Variants in SDK2 observed in about 807,000 individuals in gnomAD.
SDK2 encodes sidekick cell adhesion molecule 2, also known as protein sidekick-2.
SDK2 carries 105 observed loss-of-function variants against 253.9 expected under a neutral mutation model. The observed-to-expected ratio is 0.41, with a 90% CI of 0.35 to 0.49. SDK2 has a LOEUF of 0.49. Among genes scored for constraint, SDK2 ranks in the 20% least tolerant of loss-of-function variants. The pLI, the probability that SDK2 is intolerant of heterozygous loss-of-function variation, is 0.06. For synonymous variants in SDK2, 1,249 were observed against 1,234.9 expected, an observed-to-expected ratio of 1.01 and a Z score of -0.24; for missense variants, 2,608 against 3,003.0, an observed-to-expected ratio of 0.87 and a Z score of 3.07.
In SDK2 at chr17:73,465,859, G is replaced by T. The variant is rs1440269361; in HGVS notation, c.331+6253C>A. Among the ~76,000 whole-genome samples, 1 of 152,126 alleles carries T rather than the reference G, an allele frequency of 6.6e-6. No homozygotes were observed. The highest frequency in any genetic ancestry group is 1.9e-4 in the East Asian group (1 of 5,162). ...AAGCCCTTGTCACCCCAGGAGACAGGAACAGCCAAGGAGGGGAGGGGCATT... is the reference window on the plus strand; with the variant it reads ...AAGCCCTTGTCACCCCAGGAGACAGTAACAGCCAAGGAGGGGAGGGGCATT... On this transcript the variant is annotated intron_variant, in intron 3 of 44. Coordinates refer to ENST00000392650, the MANE Select transcript of SDK2 (RefSeq NM_001144952.2). The surrounding 1 kb of genome is among the most constrained non-coding windows in gnomAD (Gnocchi z 4.2).
At chr17:73,592,632 G>A (rs1295558668) in intron 1 of SDK2, among the ~76,000 whole-genome samples, 1 of 152,188 alleles carries the variant, frequency 6.6e-6, no homozygotes, top group Admixed American at 6.5e-5. Context: ...AGTCAAGCCT[G>A]GGGCATGAAG....
At position 73,612,704 on chromosome 17, in the gene SDK2, G is replaced by A. The variant is rs1207733740; in HGVS notation, c.64+31321C>T. ...GAAGCCCAGGCGGGCAGATCACAAGGTCAAGACTTTGAGACAAGCCTGACC... is the reference window on the plus strand; with the variant it reads ...GAAGCCCAGGCGGGCAGATCACAAGATCAAGACTTTGAGACAAGCCTGACC... On this transcript the variant is annotated intron_variant, in intron 1 of 44. Transcript: ENST00000392650. This position sits in a 1 kb window ranked among gnomAD's most constrained non-coding sequence, Gnocchi z 4.4. 1.3e-5 allele frequency among the ~76,000 whole-genome samples: 2 copies of A among 152,126 alleles called. No individual in the cohort carries two copies. Among genetic ancestry groups the A allele is most frequent in the Non-Finnish European group, 2.9e-5 (2 of 68,032 alleles).
intron 1 of SDK2, among the ~76,000 whole-genome samples, chr17:73,576,304 G>A (rs1236149833): frequency 6.6e-6 from 1 of 152,004 alleles, no homozygotes; most frequent in Non-Finnish European, 1.5e-5. Flanking sequence ...CCAAGGAAGG[G>A]AAAGGCGTCC....
chr17:73,627,527 C>A (rs980763766), intron 1 of SDK2, among the ~76,000 whole-genome samples: 1 of 152,190 alleles, frequency 6.6e-6, no homozygotes, highest in African/African-American at 2.4e-5. Context: ...GGAGCAGAGA[C>A]CCCAAGGGCA....
At chr17:73,412,042 ATATGTATATACG>A (rs2063136313) in intron 18 of SDK2, among the ~76,000 whole-genome samples, 2 of 8,596 alleles carry the variant, frequency 2.3e-4, no homozygotes, top group African/African-American at 4.4e-4. Flanking sequence ...ATACGTATAT[ATATGTATATACG>A]TATATGTATA....
chr17:73,531,958 T>C (rs978619498), intron 1 of SDK2, among the ~76,000 whole-genome samples: 2 of 152,164 alleles, frequency 1.3e-5, no homozygotes, highest in Admixed American at 6.5e-5. Context: ...CTGAGGTGCC[T>C]GTACCTATCG....
intron 2 of SDK2, among the ~76,000 whole-genome samples, chr17:73,506,777 C>T (rs1483144234): frequency 6.6e-6 from 1 of 152,230 alleles, no homozygotes; most frequent in African/African-American, 2.4e-5. Flanking sequence ...GCCAGGGTGG[C>T]CTGGGTGAGG....
chr17:73,538,396 C>T (rs1275804197), intron 1 of SDK2, among the ~76,000 whole-genome samples: 4 of 152,204 alleles, frequency 2.6e-5, no homozygotes, highest in Admixed American at 1.3e-4. Context: ...ATCTCTCTGT[C>T]TCCTTTTAAA....
intron 1 of SDK2, among the ~76,000 whole-genome samples, chr17:73,579,994 A>G (rs2970071): frequency 8.8e-5 from 12 of 136,572 alleles, no homozygotes; most frequent in Admixed American, 6.4e-4. Flanking sequence ...GAAAAAAGAA[A>G]AAAAAAAAAA....
rs192614902 is a variant in SDK2, at chr17:73,398,529, A to C, written c.3094-100T>G. The C allele has an allele frequency of 3.2e-4, 314 of 981,466 alleles. 3 individuals carry two copies. The highest frequency in any genetic ancestry group is 2.5e-5 in the Non-Finnish European group (16 of 642,640). 60.8% of individuals were successfully genotyped at this position (981,466 alleles called of 1,614,324 possible). On this transcript the variant is annotated intron_variant, in intron 22 of 44. Transcript: ENST00000392650. Reference sequence around the variant, plus strand: ...CCTGCCAGGGAAGAAGTTGGTTCAGAACCCAGGGCTCATCTGGAGGGCACC... The same window carrying C: ...CCTGCCAGGGAAGAAGTTGGTTCAGCACCCAGGGCTCATCTGGAGGGCACC...
At position 73,395,602 on chromosome 17, in the gene SDK2, G is replaced by C. The variant is rs1307317529; in HGVS notation, c.3355-210C>G. The stretch of plus-strand genomic sequence containing the variant: ...TGGGCTCTTATCTTCCTGCAGGGAG[G>C]ACAGAGAAGCAGCATCCTTTCTTTA... On this transcript the variant is annotated intron_variant, in intron 24 of 44. Coordinates refer to ENST00000392650, the MANE Select transcript of SDK2 (RefSeq NM_001144952.2). This position sits in a 1 kb window ranked among gnomAD's most constrained non-coding sequence, Gnocchi z 4.3. Among the ~76,000 whole-genome samples, 1 of 152,196 alleles carries C rather than the reference G, an allele frequency of 6.6e-6. No homozygotes were observed. The highest frequency in any genetic ancestry group is 1.5e-5 in the Non-Finnish European group (1 of 68,032).
At chr17:73,339,711 G>A (rs1394186001) in intron 44 of SDK2, among the ~76,000 whole-genome samples, 3 of 151,574 alleles carry the variant, frequency 2.0e-5, no homozygotes, top group Admixed American at 6.6e-5. Flanking sequence ...ATGCCACCAC[G>A]CCCCACTAAC....
chr17:73,400,000 C>T (rs1367208706), intron 21 of SDK2, among the ~76,000 whole-genome samples: 1 of 152,198 alleles, frequency 6.6e-6, no homozygotes, highest in Non-Finnish European at 1.5e-5. Flanking sequence ...GCTCCCAGCA[C>T]CATGCCCCGT....
intron 1 of SDK2, among the ~76,000 whole-genome samples, chr17:73,531,958 T>G (rs978619498): frequency 6.6e-6 from 1 of 152,164 alleles, no homozygotes; most frequent in Non-Finnish European, 1.5e-5. Flanking sequence ...CTGAGGTGCC[T>G]GTACCTATCG....
intron 3 of SDK2, among the ~76,000 whole-genome samples, chr17:73,468,565 G>A (rs1337840426): frequency 1.3e-5 from 2 of 152,138 alleles, no homozygotes; most frequent in African/African-American, 4.8e-5. Flanking sequence ...AGGCTAGAGT[G>A]CAGTGGTATG....
intron 18 of SDK2, among the ~76,000 whole-genome samples, chr17:73,411,969 C>CGTATATATATATAT (rs2063130693): frequency 1.4e-3 from 2 of 1,422 alleles, no homozygotes; most frequent in Non-Finnish European, 4.9e-3. Context: ...TATATATATA[C>CGTATATATATATAT]GTATATATAT....
rs950361667 is a variant in SDK2 at position 73,507,463 on chromosome 17, G to T, written c.199C>A (p.Leu67Met). 1.2e-5 allele frequency: 18 copies of T among 1,551,400 alleles called. No individual in the cohort carries two copies. Among genetic ancestry groups the T allele is most frequent in the Admixed American group, 2.0e-5 (1 of 50,982 alleles). The change falls in exon 2 of 45, where the codon CTG (leucine) becomes ATG (methionine). Residue 67 changes from leucine to methionine, a missense_variant. This residue lies in a region of SDK2 where 1,505 missense variants were observed against 1,859.1 expected (regional missense o/e 0.81). Transcript: ENST00000392650. Reference sequence around the variant, plus strand: ...CTGTATTCCAGGGAGAACTTGGTCAGCTCCCTGTTGTTGTGGAGCCACTTG... The same window carrying T: ...CTGTATTCCAGGGAGAACTTGGTCATCTCCCTGTTGTTGTGGAGCCACTTG... The part of the protein sequence containing the change: ...EFKWLHNNRE[L>M]TKFSLEYRYM...
At chr17:73,531,468 G>A (rs913160889) in intron 1 of SDK2, among the ~76,000 whole-genome samples, 9 of 151,996 alleles carry the variant, frequency 5.9e-5, no homozygotes, top group Non-Finnish European at 1.0e-4. Context: ...TGCATAACAC[G>A]GCGTCTGGTC....
At chr17:73,614,204 T>C (rs56151764) in intron 1 of SDK2, among the ~76,000 whole-genome samples, 56,925 of 151,722 alleles carry the variant, frequency 0.38, 11,708 homozygotes, top group African/African-American at 0.56. Flanking sequence ...TTGCCCTGGC[T>C]GCTCACTCAC....
Sources: allele counts gnomAD v4.1 joint callset (sites outside exome capture counted in the v4.1 genomes callset), GRCh38; gene constraint gnomAD v4.1.1; regional missense constraint gnomAD v4.1.1; non-coding constraint Gnocchi (gnomAD v3.1); transcripts MANE v1.5; gene names NCBI Gene and HGNC (gene_info 2026-07-23, HGNC 2026-07-21).